SAP130: variants seen among roughly 807,000 people sequenced by gnomAD.
SAP130 encodes the protein Sin3A associated protein 130.
A neutral mutation model predicts 103.2 loss-of-function variants in SAP130; 16 were observed. The ratio of observed to expected loss-of-function variants is 0.16; its 90% confidence interval spans 0.10 to 0.24. The LOEUF is 0.24. Among genes scored for constraint, SAP130 ranks in the 10% least tolerant of loss-of-function variants. The pLI, the probability that SAP130 is intolerant of heterozygous loss-of-function variation, is 1.00. For missense variants in SAP130, 990 were observed against 1,359.7 expected (o/e 0.73, Z 4.28); for synonymous variants, 477 against 497.0 (o/e 0.96, Z 0.53).
intron 7 of SAP130, among the ~76,000 whole-genome samples, chr2:128,003,806 T>C (rs1428858994): frequency 6.6e-6 from 1 of 152,040 alleles, no homozygotes; most frequent in African/African-American, 2.4e-5. Flanking sequence ...TGGAATTATA[T>C]ACTTACAGAC....
At chr2:128,026,829 T>C (rs1361592573) in intron 1 of SAP130, among the ~76,000 whole-genome samples, 2 of 152,194 alleles carry the variant, frequency 1.3e-5, no homozygotes, top group Non-Finnish European at 2.9e-5. Context: ...GGATTTCCTT[T>C]TCCTTCTCTT....
In SAP130 at chr2:127,947,754, T is replaced by G. The variant is rs569254881; in HGVS notation, c.2797+2115A>C. Reference sequence around the variant, plus strand: ...TCATATTGTGTGAATTAATTTTGTATTGTGTGTGTCTGTGTGTGTGTGTGT... The same window carrying G: ...TCATATTGTGTGAATTAATTTTGTAGTGTGTGTGTCTGTGTGTGTGTGTGT... On this transcript the variant is annotated intron_variant, in intron 18 of 20. Coordinates refer to ENST00000643581, the MANE Select transcript of SAP130 (RefSeq NM_001330301.2). 2.1e-4 allele frequency among the ~76,000 whole-genome samples: 6 copies of G among 28,676 alleles called. No homozygotes were observed. In the South Asian group the frequency reaches 2.9e-3, roughly 14 times the overall value. The allele number at this position is 28,676 out of a possible 152,430, so 18.8% of individuals were successfully genotyped here. A position where few individuals can be genotyped will look rare whatever the true frequency, so the allele number is the denominator to read the frequency against.
intron 6 of SAP130, among the ~76,000 whole-genome samples, chr2:128,010,667 C>T (rs1684327086): frequency 6.6e-6 from 1 of 152,028 alleles, no homozygotes; most frequent in African/African-American, 2.4e-5. Flanking sequence ...AAAAGACCAG[C>T]CTGGCTAACA....
rs55931869 is a variant in SAP130, at chr2:127,956,702, TAAAAA to T, written c.2064-1363_2064-1359del. 4.5e-4 allele frequency among the ~76,000 whole-genome samples: 50 copies of T among 111,236 alleles called. 1 individual carries two copies. In the South Asian group the frequency reaches 9.5e-3, roughly 21 times the overall value. The allele number at this position is 111,236 out of a possible 152,430, so 73.0% of individuals were successfully genotyped here. A position where few individuals can be genotyped will look rare whatever the true frequency, so the allele number is the denominator to read the frequency against. On this transcript the variant is annotated intron_variant, in intron 15 of 20. Coordinates refer to ENST00000643581, the MANE Select transcript of SAP130 (RefSeq NM_001330301.2). Reference sequence around the variant, plus strand: ...ATGTACCCTAGAACTTAAAGTATAATAAAAAAAAAAAAAAAAAAAAAGAAAGTTGG... The same window carrying T: ...ATGTACCCTAGAACTTAAAGTATAATAAAAAAAAAAAAAAAAGAAAGTTGG...
At chr2:127,967,557 C>T (rs934676559) in intron 15 of SAP130, among the ~76,000 whole-genome samples, 22 of 152,172 alleles carry the variant, frequency 1.4e-4, no homozygotes, top group African/African-American at 4.3e-4. Context: ...CACCACCATG[C>T]GCAGCTAATT....
rs187890285 is a variant in SAP130, at chr2:127,955,105, G to C, written c.2303C>G (p.Ala768Gly). 1.2e-4 allele frequency: 197 copies of C among 1,614,212 alleles called. 1 individual carries two copies. The East Asian group carries it at 4.2e-3, about 35-fold the overall frequency. ...PITPPITTIA[A>G]APPPSVTVGG... The stretch of plus-strand genomic sequence containing the variant: ...CACAGTGACTGATGGAGGTGGTGCA[G>C]CTGCAATGGTGGTGATGGGTGGAGT... Residue 768 changes from alanine to glycine, a missense_variant, in exon 16 of 21, where the codon GCT becomes GGT. Ala to Gly is a moderately conservative substitution (Grantham distance 60). This residue lies in a region of SAP130 where 349 missense variants were observed against 384.1 expected (regional missense o/e 0.91). Coordinates refer to ENST00000643581, the MANE Select transcript of SAP130 (RefSeq NM_001330301.2). The surrounding 1 kb of genome is among the most constrained non-coding windows in gnomAD (Gnocchi z 4.9).
Sources: gnomAD v4.1 joint callset for allele counts (sites outside exome capture counted in the v4.1 genomes callset) on GRCh38, gnomAD v4.1.1 for gene constraint, gnomAD v4.1.1 regional missense constraint, Gnocchi (gnomAD v3.1) non-coding constraint, MANE v1.5 for transcripts, NCBI Gene and HGNC (gene_info 2026-07-23, HGNC 2026-07-21) for gene names.